Variants in STXBP5L observed in about 807,000 individuals in gnomAD.
The protein encoded by STXBP5L is syntaxin binding protein 5L.
A neutral mutation model predicts 144.5 loss-of-function variants in STXBP5L; 65 were observed. That is an observed-to-expected ratio of 0.45 (90% confidence interval 0.37 to 0.55). STXBP5L has a LOEUF of 0.55. STXBP5L is among the 20% of genes least tolerant of loss of function. The probability of loss-of-function intolerance (pLI) is 0.00; values close to 1 mark genes in which losing one functional copy is unlikely to be tolerated. For missense variants in STXBP5L, 1,298 were observed against 1,405.5 expected (o/e 0.92, Z 1.22); for synonymous variants, 505 against 469.6 (o/e 1.08, Z -0.97).
chr3:121,182,005 G>T (rs754950368), intron 9 of STXBP5L, among the ~76,000 whole-genome samples: 6 of 151,270 alleles, frequency 4.0e-5, no homozygotes, highest in Non-Finnish European at 8.8e-5. Flanking sequence ...CCTAACACTG[G>T]TGCTCCAAAA....
intron 3 of STXBP5L, among the ~76,000 whole-genome samples, chr3:121,025,598 T>C (rs201671153): frequency 6.6e-6 from 1 of 151,890 alleles, no homozygotes; most frequent in African/African-American, 2.4e-5. Context: ...CTTAAGTTAA[T>C]TTTTAACTGT....
chr3:120,993,447 T>C (rs895451259), intron 3 of STXBP5L, among the ~76,000 whole-genome samples: 4 of 152,126 alleles, frequency 2.6e-5, no homozygotes, highest in African/African-American at 9.6e-5. Context: ...CCAGGTCTTA[T>C]GTTTAAGGCT....
chr3:121,199,660 A>G (rs1210017433), intron 9 of STXBP5L, among the ~76,000 whole-genome samples: 1 of 152,176 alleles, frequency 6.6e-6, no homozygotes, highest in East Asian at 1.9e-4. Context: ...TCTTCTATCA[A>G]TACCTAGTTT....
intron 20 of STXBP5L, among the ~76,000 whole-genome samples, chr3:121,354,827 T>C (rs955414775): frequency 6.6e-6 from 1 of 152,232 alleles, no homozygotes; most frequent in Non-Finnish European, 1.5e-5. Flanking sequence ...CAGTGGCTGG[T>C]ACCAATTGTT....
chr3:121,218,579 C>G (rs1224479997), intron 10 of STXBP5L, among the ~76,000 whole-genome samples: 3 of 151,732 alleles, frequency 2.0e-5, no homozygotes, highest in Admixed American at 6.6e-5. Context: ...AAAAGAGCAC[C>G]TAACCCAGCC....
At chr3:120,914,766 C>T (rs1453396574) in intron 2 of STXBP5L, among the ~76,000 whole-genome samples, 6 of 152,080 alleles carry the variant, frequency 3.9e-5, no homozygotes, top group African/African-American at 1.2e-4. Flanking sequence ...CACCAAAAAG[C>T]ACAGTAGAGG....
At chr3:121,415,355 A>G (rs2047209006) in intron 24 of STXBP5L, among the ~76,000 whole-genome samples, 2 of 152,188 alleles carry the variant, frequency 1.3e-5, no homozygotes, top group African/African-American at 2.4e-5. Flanking sequence ...AATGTACTTC[A>G]CCCTATACAG....
rs148125489 is a variant in STXBP5L, at chr3:121,189,599, G to A, written c.878-16324G>A. ...GGTCTATATCTCTGTTTTGGAACCA[G>A]TACCATGCTGTTTTGGTTACTGTAG... On this transcript the variant is annotated intron_variant, in intron 9 of 26. Transcript: ENST00000471454. Among the ~76,000 whole-genome samples the A allele has an allele frequency of 7.8e-3, 1,193 of 152,348 alleles. 12 individuals are homozygous for A. Among genetic ancestry groups the A allele is most frequent in the African/African-American group, 0.028 (1,150 of 41,574 alleles).
At chr3:120,933,080 A>C (rs1228519647) in intron 2 of STXBP5L, among the ~76,000 whole-genome samples, 1 of 151,332 alleles carries the variant, frequency 6.6e-6, no homozygotes, top group East Asian at 1.9e-4. Context: ...TAGCATTAGG[A>C]GATATACCTA....
chr3:121,211,999 G>T (rs188146690), intron 10 of STXBP5L, among the ~76,000 whole-genome samples: 13 of 151,972 alleles, frequency 8.6e-5, no homozygotes, highest in African/African-American at 3.1e-4. Context: ...TTTTTTGGCC[G>T]CATAAATGTC....
chr3:121,158,683 CTATT>C (rs2046205940), intron 9 of STXBP5L: 1 of 152,144 alleles, frequency 6.6e-6, no homozygotes, highest in South Asian at 2.1e-4. Flanking sequence ...TCAGGATTAA[CTATT>C]TATTTCTACG....
At chr3:121,104,536 A>T (rs2043595550) in intron 5 of STXBP5L, among the ~76,000 whole-genome samples, 1 of 152,072 alleles carries the variant, frequency 6.6e-6, no homozygotes, top group Non-Finnish European at 1.5e-5. Context: ...CATTGTACTG[A>T]TATAAAAATA....
intron 20 of STXBP5L, among the ~76,000 whole-genome samples, chr3:121,365,676 A>G (rs1043014631): frequency 4.0e-5 from 6 of 151,550 alleles, no homozygotes; most frequent in African/African-American, 9.7e-5. Flanking sequence ...TTCTTCTTAC[A>G]TGTAACTAAA....
At chr3:121,092,502 G>C (rs1400620168) in intron 5 of STXBP5L, among the ~76,000 whole-genome samples, 4 of 152,112 alleles carry the variant, frequency 2.6e-5, no homozygotes, top group African/African-American at 9.7e-5. Context: ...TTGTAAGTTG[G>C]ATTCCTAGGT....
At chr3:121,350,091 T>G (rs1002829752) in intron 20 of STXBP5L, among the ~76,000 whole-genome samples, 2 of 152,178 alleles carry the variant, frequency 1.3e-5, no homozygotes, top group Non-Finnish European at 2.9e-5. Context: ...TTGCAGTGGC[T>G]GGTACCAGTT....
At chr3:120,926,686 G>A (rs1709650327) in intron 2 of STXBP5L, among the ~76,000 whole-genome samples, 1 of 151,896 alleles carries the variant, frequency 6.6e-6, no homozygotes. Flanking sequence ...CTTAGATTTG[G>A]TCTTTTGAGG....
At chr3:121,312,989 C>G (rs561908824) in intron 19 of STXBP5L, among the ~76,000 whole-genome samples, 6 of 152,296 alleles carry the variant, frequency 3.9e-5, no homozygotes, top group Non-Finnish European at 8.8e-5. Flanking sequence ...ACCTCCCAGA[C>G]GGGGTCATGG....
chr3:121,010,301 C>G (rs1944676691), intron 3 of STXBP5L, among the ~76,000 whole-genome samples: 1 of 151,804 alleles, frequency 6.6e-6, no homozygotes, highest in African/African-American at 2.4e-5. Context: ...ACTGCAGCAT[C>G]TTCTTCAAGA....
chr3:121,239,202 C>A, intron 13 of STXBP5L, 84 bp downstream of exon 13: 1 of 762,328 alleles, frequency 1.3e-6, no homozygotes, highest in Non-Finnish European at 2.0e-6. Flanking sequence ...TTCTTACATT[C>A]CATATAGGAG....
Sources: allele counts gnomAD v4.1 joint callset (sites outside exome capture counted in the v4.1 genomes callset), GRCh38; gene constraint gnomAD v4.1.1; transcripts MANE v1.5; gene names NCBI Gene and HGNC (gene_info 2026-07-23, HGNC 2026-07-21).